Variants in NF1 observed in about 807,000 individuals in gnomAD.
NF1 encodes the protein neurofibromin 1.
In NF1, 122 loss-of-function variants were observed where a neutral mutation model predicts 325.7. That is an observed-to-expected ratio of 0.37 (90% CI 0.32 to 0.44). NF1 has a LOEUF of 0.44. Ranked by LOEUF, NF1 falls within the 20% of genes least tolerant of loss-of-function variation. The pLI is 1.00. For synonymous variants in NF1, 1,091 were observed against 1,186.0 expected (o/e 0.92, Z 1.65); for missense variants, 2,140 against 3,415.4 (o/e 0.63, Z 9.31).
intron 1 of NF1, chr17:31,137,908 T>C (rs2143509521): frequency 6.6e-6 from 1 of 152,328 alleles, no homozygotes; most frequent in South Asian, 2.1e-4. Flanking sequence ...AGATTATTGC[T>C]AACCCCAATG....
intron 36 of NF1, chr17:31,313,851 A>G: frequency 2.6e-6 from 1 of 391,000 alleles, no homozygotes; most frequent in Non-Finnish European, 4.5e-6. Flanking sequence ...TCTATGCAAC[A>G]AAACCACAAA....
chr17:31,170,479 A>G (rs1025846215), intron 5 of NF1, among the ~76,000 whole-genome samples: 3 of 152,236 alleles, frequency 2.0e-5, no homozygotes, highest in Admixed American at 2.0e-4. Flanking sequence ...TCAGCTCTCT[A>G]CTGACTGACT....
intron 29 of NF1, among the ~76,000 whole-genome samples, chr17:31,245,411 C>T (rs1176699542): frequency 1.3e-5 from 2 of 152,148 alleles, no homozygotes; most frequent in Non-Finnish European, 2.9e-5. Context: ...TCAGTTCAAC[C>T]GTGACACTGT....
At chr17:31,250,012 C>T (rs1251179540) in intron 30 of NF1, 6 of 497,534 alleles carry the variant, frequency 1.2e-5, no homozygotes, top group Non-Finnish European at 2.0e-5. Context: ...GAGACGTTAA[C>T]AGCATCATTG....
intron 12 of NF1, among the ~76,000 whole-genome samples, chr17:31,208,595 A>G (rs1463905882): frequency 6.6e-6 from 1 of 152,032 alleles, no homozygotes; most frequent in Non-Finnish European, 1.5e-5. Flanking sequence ...GAAAATGTCT[A>G]ATGAAGAACT....
chr17:31,192,894 G>A (rs1401016772), intron 8 of NF1, among the ~76,000 whole-genome samples: 1 of 152,176 alleles, frequency 6.6e-6, no homozygotes, highest in Non-Finnish European at 1.5e-5. Flanking sequence ...TTAGGTAGGA[G>A]TTTGGGCAAG....
In NF1 at chr17:31,334,970, C is replaced by A. The variant is rs1336219677; in HGVS notation, c.5945C>A (p.Thr1982Asn). The change falls in exon 40 of 58, where the codon ACC becomes AAC. Residue 1982 changes from threonine (T) to asparagine (N), a missense_variant. Physicochemically the swap from Thr to Asn is moderately conservative, Grantham distance 65 (BLOSUM62 0). Transcript: ENST00000358273. ...TAILDKLITMTINEKQMYPSI... is the reference protein window; with the variant it reads ...TAILDKLITMNINEKQMYPSI... ...ATTCTTGACAAGCTGATAACAATGA[C>A]CATCAATGAAAAACAGATGTACCCA... The A allele has an allele frequency of 1.2e-6, 2 of 1,612,864 alleles. No homozygotes were observed. The highest frequency in any genetic ancestry group is 1.7e-6 in the Non-Finnish European group (2 of 1,179,818).
intron 36 of NF1, among the ~76,000 whole-genome samples, chr17:31,292,829 T>A (rs1294777183): frequency 3.9e-5 from 6 of 152,212 alleles, no homozygotes; most frequent in African/African-American, 1.4e-4. Context: ...TTAAAAATTC[T>A]AAGACAGCAT....
intron 36 of NF1, among the ~76,000 whole-genome samples, chr17:31,277,933 C>T (rs192804933): frequency 5.3e-5 from 8 of 152,310 alleles, no homozygotes; most frequent in Admixed American, 3.9e-4. Flanking sequence ...CCTGCTAGAA[C>T]CTTAATTGCT....
chr17:31,304,550 G>C, intron 36 of NF1: 1 of 1,614,126 alleles, frequency 6.2e-7, no homozygotes, highest in South Asian at 1.1e-5. Context: ...TTGTCAGATT[G>C]GTTACTTTCC....
At chr17:31,253,395 G>C (rs1326354192) in intron 31 of NF1, 1 of 188,892 alleles carries the variant, frequency 5.3e-6, no homozygotes, top group Non-Finnish European at 1.1e-5. Flanking sequence ...AGATGACAGT[G>C]TTTCTTAATT....
rs139604149 is a variant in NF1, at chr17:31,179,572, G to C, written c.587-1850G>C. Among the ~76,000 whole-genome samples, 541 of 152,122 alleles carry C rather than the reference G, an allele frequency of 3.6e-3. 6 individuals carry two copies. Among genetic ancestry groups the C allele is most frequent in the African/African-American group, 0.012 (514 of 41,502 alleles). On this transcript the variant is annotated intron_variant, in intron 5 of 57. Transcript: ENST00000358273. ...CTTTCAAAAAATCAATGAGTCTCCT[G>C]ACCTCGTGATCCGCCGCCTTGGCCT...
intron 47 of NF1, among the ~76,000 whole-genome samples, chr17:31,342,564 G>C (rs569879137): frequency 6.6e-6 from 1 of 152,210 alleles, no homozygotes; most frequent in African/African-American, 2.4e-5. Context: ...CTCCAGCCTG[G>C]GCGACAGAGT....
chr17:31,159,435 T>A lies in NF1; in HGVS notation c.288+342T>A, dbSNP rs17880006. Among the ~76,000 whole-genome samples the A allele has an allele frequency of 3.2e-3, 490 of 152,336 alleles. 2 individuals carry two copies. The highest frequency in any genetic ancestry group is 0.011 in the African/African-American group (467 of 41,586). On this transcript the variant is annotated intron_variant, in intron 3 of 57. Coordinates refer to ENST00000358273, the MANE Select transcript of NF1 (RefSeq NM_001042492.3). ...GTTGTGGGAGAGTGCGATTCAGAAG[T>A]CCAAGAGTAATCTTGTATTTCCTCC...
intron 23 of NF1, among the ~76,000 whole-genome samples, chr17:31,230,583 G>C (rs1467723652): frequency 6.6e-6 from 1 of 152,078 alleles, no homozygotes; most frequent in Non-Finnish European, 1.5e-5. Context: ...CTAAAACTGT[G>C]CTATACTTGA....
At chr17:31,232,515 G>A (rs1342421181) in intron 25 of NF1, among the ~76,000 whole-genome samples, 185 bp from the exon 26 acceptor site, 1 of 152,024 alleles carries the variant, frequency 6.6e-6, no homozygotes, top group African/African-American at 2.4e-5. Flanking sequence ...GCTATATCAG[G>A]TAAAATCATG....
At chr17:31,284,602 A>G (rs924171441) in intron 36 of NF1, among the ~76,000 whole-genome samples, 4 of 151,580 alleles carry the variant, frequency 2.6e-5, no homozygotes, top group East Asian at 3.9e-4. Context: ...TGTATATTTT[A>G]TAGAGACGGG....
At chr17:31,256,764 A>G (rs548544043) in intron 31 of NF1, among the ~76,000 whole-genome samples, 3 of 152,346 alleles carry the variant, frequency 2.0e-5, no homozygotes, top group East Asian at 1.9e-4. Flanking sequence ...TAAAGCAGCT[A>G]TATTTAGTCA....
At chr17:31,213,161 T>TA (rs2066758935) in intron 12 of NF1, among the ~76,000 whole-genome samples, 2 of 152,234 alleles carry the variant, frequency 1.3e-5, no homozygotes, top group Admixed American at 1.3e-4. Flanking sequence ...CACCTCAACT[T>TA]AGAGTGAGGA....
Sources: gnomAD v4.1 joint callset for allele counts (sites outside exome capture counted in the v4.1 genomes callset) on GRCh38, gnomAD v4.1.1 for gene constraint, MANE v1.5 for transcripts, NCBI Gene and HGNC (gene_info 2026-07-23, HGNC 2026-07-21) for gene names.